Variants in WDFY2 observed in about 807,000 individuals in gnomAD.
WDFY2 encodes the protein WD repeat and FYVE domain containing 2, also known as WD repeat and FYVE domain-containing protein 2.
Under a neutral mutation model 56.4 loss-of-function variants are expected in WDFY2, and 36 were observed. That is an observed-to-expected ratio of 0.64 (90% CI 0.49 to 0.84). WDFY2 has a LOEUF of 0.84. Among genes scored for constraint, WDFY2 ranks in the 40% least tolerant of loss-of-function variants. The pLI is 0.00. For synonymous variants in WDFY2, 176 were observed against 183.7 expected, an observed-to-expected ratio of 0.96 and a Z score of 0.34; for missense variants, 444 against 512.2, an observed-to-expected ratio of 0.87 and a Z score of 1.29.
At chr13:51,624,323 C>A (rs1186485130) in intron 1 of WDFY2, among the ~76,000 whole-genome samples, 2 of 152,160 alleles carry the variant, frequency 1.3e-5, no homozygotes, top group African/African-American at 4.8e-5. Flanking sequence ...AGCTATTGCT[C>A]CTGCACTTTT....
intron 7 of WDFY2, among the ~76,000 whole-genome samples, chr13:51,750,264 C>A (rs1432351686): frequency 2.0e-5 from 3 of 152,076 alleles, no homozygotes; most frequent in African/African-American, 7.2e-5. Context: ...ACAATCAGAA[C>A]AAGTTCTTTT....
At chr13:51,741,790 A>G (rs1049359716) in intron 7 of WDFY2, among the ~76,000 whole-genome samples, 25 of 152,200 alleles carry the variant, frequency 1.6e-4, no homozygotes, top group African/African-American at 5.5e-4. Flanking sequence ...ATTCAGTATT[A>G]AGACCCCAGC....
Position 51,762,140 on chromosome 13 carries a change from C to G in WDFY2, c.*2371C>G, listed in dbSNP as rs1365745627. ...TAATAGAGCTGAATCACTCCATTTT[C>G]CCTTCCTAAACTTTGAGCTTGGCCT... On this transcript the variant is annotated 3_prime_UTR_variant, in exon 12 of 12. Coordinates refer to ENST00000298125, the MANE Select transcript of WDFY2 (RefSeq NM_052950.4). The G allele has an allele frequency of 6.6e-6, 1 of 152,250 alleles. No homozygotes were observed. The highest frequency in any genetic ancestry group is 1.5e-5 in the Non-Finnish European group (1 of 68,068). The allele number at this position is 152,250 out of a possible 1,614,324, so 9.4% of individuals were successfully genotyped here. A position where few individuals can be genotyped will look rare whatever the true frequency, so the allele number is the denominator to read the frequency against.
rs149286338 is a variant in WDFY2 at position 51,607,790 on chromosome 13, A to C, written c.137+22966A>C. On this transcript the variant is annotated intron_variant, in intron 1 of 11. Transcript: ENST00000298125. ...AGGCTGAATGATGAGGCCCCCCAAC[A>C]TGTCTATGTCCTAGTCCCCAGATCC... Among the ~76,000 whole-genome samples, 754 of 152,270 alleles carry C rather than the reference A, an allele frequency of 5.0e-3. 5 individuals carry two copies. Among genetic ancestry groups the C allele is most frequent in the African/African-American group, 0.014 (593 of 41,566 alleles).
At chr13:51,723,399 T>G (rs753985807) in intron 5 of WDFY2, among the ~76,000 whole-genome samples, 1 of 152,202 alleles carries the variant, frequency 6.6e-6, no homozygotes, top group Non-Finnish European at 1.5e-5. Flanking sequence ...CTAGACAAGA[T>G]CCACACATTG....
At position 51,677,434 on chromosome 13, in the gene WDFY2, G is replaced by T. The variant is rs557313307; in HGVS notation, c.279+2191G>T. On this transcript the variant is annotated intron_variant, in intron 3 of 11. Coordinates refer to ENST00000298125, the MANE Select transcript of WDFY2 (RefSeq NM_052950.4). The stretch of plus-strand genomic sequence containing the variant: ...ATTCACATTGATCACTGCAATAACA[G>T]GCTCTTTACTGAAAATACTTAGTCT... Among the ~76,000 whole-genome samples, 293 of 152,256 alleles carry T rather than the reference G, an allele frequency of 1.9e-3. 2 individuals are homozygous for T. Among genetic ancestry groups the T allele is most frequent in the African/African-American group, 6.6e-3 (274 of 41,562 alleles).
intron 1 of WDFY2, among the ~76,000 whole-genome samples, chr13:51,650,615 T>C (rs954511061): frequency 6.6e-6 from 1 of 152,246 alleles, no homozygotes; most frequent in Non-Finnish European, 1.5e-5. Flanking sequence ...TGAGAGTTTT[T>C]AGCATGAAGT....
Position 51,765,838 on chromosome 13 carries a change from C to T in WDFY2, c.*6069C>T, listed in dbSNP as rs1953729567. On this transcript the variant is annotated 3_prime_UTR_variant, in exon 12 of 12. Coordinates refer to ENST00000298125, the MANE Select transcript of WDFY2 (RefSeq NM_052950.4). ...GTGGAAATTAATCATGGTACCATCT[C>T]ATTAAAAATAGATACCTCAAAATGT... 1 of 152,146 alleles carries T rather than the reference C, an allele frequency of 6.6e-6. No individual in the cohort carries two copies. The highest frequency in any genetic ancestry group is 1.5e-5 in the Non-Finnish European group (1 of 68,030). The allele number at this position is 152,146 out of a possible 1,614,324, so 9.4% of individuals were successfully genotyped here.
Position 51,752,582 on chromosome 13 carries a change from T to C in WDFY2, c.831+1167T>C, listed in dbSNP as rs370606412. On this transcript the variant is annotated intron_variant, in intron 8 of 11. Transcript: ENST00000298125. The stretch of plus-strand genomic sequence containing the variant: ...GGGAGAAGGACCCAATTCTTTTCCT[T>C]TGGTGCACGTAGCCTGGACCCGTTA... Among the ~76,000 whole-genome samples, 3 of 152,240 alleles carry C rather than the reference T, an allele frequency of 2.0e-5. No individual in the cohort carries two copies. In the East Asian group the frequency reaches 5.8e-4, roughly 29 times the overall value.
rs543356140 is a variant in WDFY2 at position 51,703,369 on chromosome 13, G to A, written c.280-227G>A. On this transcript the variant is annotated intron_variant, in intron 3 of 11. Coordinates refer to ENST00000298125, the MANE Select transcript of WDFY2 (RefSeq NM_052950.4). The stretch of plus-strand genomic sequence containing the variant: ...TGAACTGATCTGGTTTTCTTCTTGT[G>A]CATACACAAAAAGTCAACACTTATA... Among the ~76,000 whole-genome samples the A allele has an allele frequency of 1.2e-4, 19 of 152,222 alleles. No individual in the cohort carries two copies. The South Asian group carries it at 3.9e-3, about 32-fold the overall frequency.
chr13:51,715,542 A>G (rs1952326071), intron 4 of WDFY2, among the ~76,000 whole-genome samples: 1 of 152,180 alleles, frequency 6.6e-6, no homozygotes, highest in Non-Finnish European at 1.5e-5. Flanking sequence ...TCCTATCATA[A>G]CAATGCCTTC....
At chr13:51,584,957 C>A in intron 1 of WDFY2, 133 bp downstream of exon 1, 2 of 1,260,230 alleles carry the variant, frequency 1.6e-6, no homozygotes, top group Non-Finnish European at 2.1e-6. Context: ...TAATGCGCAT[C>A]CTGGTGGTGC....
intron 1 of WDFY2, among the ~76,000 whole-genome samples, chr13:51,599,022 C>T (rs1307919398): frequency 6.6e-6 from 1 of 151,466 alleles, no homozygotes; most frequent in African/African-American, 2.4e-5. Context: ...GATTCTCCTG[C>T]CTCAGCCTCC....
chr13:51,683,839 G>C (rs1309316924), intron 3 of WDFY2, among the ~76,000 whole-genome samples: 2 of 152,126 alleles, frequency 1.3e-5, no homozygotes, highest in Non-Finnish European at 2.9e-5. Context: ...TTAGTGCTGG[G>C]GTTAAATGCT....
chr13:51,757,577 TCTGTGGAAGCA>T (rs1419851700), intron 10 of WDFY2, among the ~76,000 whole-genome samples: 2 of 151,660 alleles, frequency 1.3e-5, no homozygotes, highest in African/African-American at 4.9e-5. Context: ...CTGCCTCTTC[TCTGTGGAAGCA>T]CTTGCATTGC....
At chr13:51,690,471 T>C (rs1956134037) in intron 3 of WDFY2, among the ~76,000 whole-genome samples, 2 of 151,748 alleles carry the variant, frequency 1.3e-5, no homozygotes, top group South Asian at 4.2e-4. Context: ...TTGTGATAGT[T>C]TACTGAGAAT....
intron 5 of WDFY2, among the ~76,000 whole-genome samples, chr13:51,721,729 C>G (rs188062807): frequency 1.8e-4 from 27 of 152,292 alleles, no homozygotes; most frequent in Non-Finnish European, 2.8e-4. Flanking sequence ...TCTGCCAGCT[C>G]TGCCTTGCCA....
chr13:51,651,635 C>T (rs995542872), intron 1 of WDFY2, among the ~76,000 whole-genome samples: 1 of 152,162 alleles, frequency 6.6e-6, no homozygotes, highest in African/African-American at 2.4e-5. Flanking sequence ...TTGTTGGTTT[C>T]AAAGAACATC....
chr13:51,756,546 C>T (rs991346813), intron 10 of WDFY2, 84 bp downstream of exon 10: 6 of 1,500,776 alleles, frequency 4.0e-6, no homozygotes, highest in Non-Finnish European at 4.4e-6. Flanking sequence ...AACCATCACT[C>T]AGGTTGCTCT....
Sources: allele counts gnomAD v4.1 joint callset (sites outside exome capture counted in the v4.1 genomes callset), GRCh38; gene constraint gnomAD v4.1.1; transcripts MANE v1.5; gene names NCBI Gene and HGNC (gene_info 2026-07-23, HGNC 2026-07-21).